Variants in CDKAL1 observed in about 807,000 individuals in gnomAD.
CDKAL1 encodes the protein threonylcarbamoyladenosine tRNA methylthiotransferase.
CDKAL1 carries 32 observed loss-of-function variants against 68.2 expected under a neutral mutation model. The ratio of observed to expected loss-of-function variants is 0.47; its 90% CI spans 0.35 to 0.63. The LOEUF (loss-of-function observed/expected upper bound fraction) is 0.63. CDKAL1 is among the 30% of genes least tolerant of loss of function. The probability of loss-of-function intolerance (pLI) is 0.00; values close to 1 mark genes in which losing one functional copy is unlikely to be tolerated. For synonymous variants in CDKAL1, 234 were observed against 244.3 expected, an observed-to-expected ratio of 0.96 and a Z score of 0.39; for missense variants, 606 against 696.7, an observed-to-expected ratio of 0.87 and a Z score of 1.47.
intron 15 of CDKAL1, among the ~76,000 whole-genome samples, chr6:21,219,409 T>C (rs559451955): frequency 1.3e-5 from 2 of 152,334 alleles, no homozygotes; most frequent in East Asian, 3.9e-4. Flanking sequence ...TTGTGGAATT[T>C]TTCCCCCCTG....
intron 6 of CDKAL1, chr6:20,756,891 CCTT>C (rs1774220025): frequency 1.0e-5 from 1 of 96,540 alleles, no homozygotes; most frequent in African/African-American, 3.7e-5. Context: ...TTCCTTCCTT[CCTT>C]CCTTCCTTCC....
intron 13 of CDKAL1, among the ~76,000 whole-genome samples, chr6:21,192,745 T>TAAACA (rs1778307384): frequency 6.6e-6 from 1 of 150,932 alleles, no homozygotes; most frequent in Non-Finnish European, 1.5e-5. Context: ...TATATGCCTA[T>TAAACA]AAACAAATCA....
chr6:20,943,328 C>CAAAAAAAAAAAAAAAAAA (rs34759060), intron 9 of CDKAL1, among the ~76,000 whole-genome samples: 6 of 51,002 alleles, frequency 1.2e-4, no homozygotes, highest in Non-Finnish European at 2.2e-4. Context: ...CTTGTTTTTT[C>CAAAAAAAAAAAAAAAAAA]AAAAAAAAAA....
chr6:20,794,229 G>A (rs1776019642), intron 8 of CDKAL1, among the ~76,000 whole-genome samples: 2 of 151,850 alleles, frequency 1.3e-5, no homozygotes, highest in Non-Finnish European at 2.9e-5. Flanking sequence ...TTTATTAAAA[G>A]CCTCTTTTTT....
intron 13 of CDKAL1, among the ~76,000 whole-genome samples, chr6:21,183,008 C>G (rs966889732): frequency 5.9e-5 from 9 of 152,164 alleles, no homozygotes; most frequent in African/African-American, 2.2e-4. Context: ...GCCTTGCAAT[C>G]TAAAATTCAT....
Position 20,650,315 on chromosome 6 carries a change from A to G in CDKAL1, c.371+938A>G, listed in dbSNP as rs529711538. Reference sequence around the variant, plus strand: ...TGGCTTGCATTTCTCTAATGATCAGAGATGTTGAACTTTTTTTCATATGTT... The same window carrying G: ...TGGCTTGCATTTCTCTAATGATCAGGGATGTTGAACTTTTTTTCATATGTT... On this transcript the variant is annotated intron_variant, in intron 5 of 15. Transcript: ENST00000274695. Among the ~76,000 whole-genome samples the G allele has an allele frequency of 5.3e-5, 8 of 152,258 alleles. No homozygotes were observed. In the East Asian group the frequency reaches 1.2e-3, roughly 22 times the overall value.
intron 5 of CDKAL1, among the ~76,000 whole-genome samples, chr6:20,687,077 TTG>T (rs762061688): frequency 5.3e-5 from 8 of 152,226 alleles, no homozygotes; most frequent in Non-Finnish European, 7.3e-5. Flanking sequence ...TTTTTATACA[TTG>T]TTATATTTGA....
At chr6:20,589,344 A>ATTTGACATTACACACACATGTTCTGCACG (rs1765499273) in intron 4 of CDKAL1, among the ~76,000 whole-genome samples, 3 of 152,192 alleles carry the variant, frequency 2.0e-5, no homozygotes, top group African/African-American at 4.8e-5. Context: ...TTTATTTTGT[A>ATTTGACATTACACACACATGTTCTGCACG]TTTGACATTA....
intron 12 of CDKAL1, among the ~76,000 whole-genome samples, chr6:21,087,667 G>C (rs950703404): frequency 2.0e-5 from 3 of 152,080 alleles, no homozygotes; most frequent in Non-Finnish European, 4.4e-5. Context: ...AAAGGCTCCT[G>C]GGAGAGCATT....
At chr6:21,205,820 C>T (rs560101542) in intron 15 of CDKAL1, among the ~76,000 whole-genome samples, 29 of 142,676 alleles carry the variant, frequency 2.0e-4, no homozygotes, top group Middle Eastern at 3.8e-3. Flanking sequence ...CGTGAGCCCC[C>T]GCGCCCAGCC....
chr6:20,875,881 T>C (rs1295767545), intron 9 of CDKAL1, among the ~76,000 whole-genome samples: 1 of 152,168 alleles, frequency 6.6e-6, no homozygotes, highest in East Asian at 1.9e-4. Flanking sequence ...TAATAAGAAA[T>C]TGAAAAAAAG....
chr6:21,231,206 T>C lies in CDKAL1; in HGVS notation c.*167T>C. On this transcript the variant is annotated 3_prime_UTR_variant, in exon 16 of 16. Transcript: ENST00000274695. ...GAGGCTCCCCCTGTCTCACATTGAG[T>C]TGGGCCCATTGGTTATTTGACCTAA... 2 of 474,096 alleles carry C rather than the reference T, an allele frequency of 4.2e-6. No individual in the cohort carries two copies. Among genetic ancestry groups the C allele is most frequent in the Non-Finnish European group, 7.4e-6 (2 of 271,242 alleles). 29.4% of individuals were successfully genotyped at this position (474,096 alleles called of 1,614,324 possible). A position where few individuals can be genotyped will look rare whatever the true frequency, so the allele number is the denominator to read the frequency against.
At chr6:20,929,659 A>T (rs1763339026) in intron 9 of CDKAL1, among the ~76,000 whole-genome samples, 1 of 152,186 alleles carries the variant, frequency 6.6e-6, no homozygotes, top group Admixed American at 6.5e-5. Context: ...GTGTATTATT[A>T]TCAGGATGGA....
chr6:20,560,539 T>C (rs572188097), intron 4 of CDKAL1, among the ~76,000 whole-genome samples: 1 of 152,346 alleles, frequency 6.6e-6, no homozygotes, highest in South Asian at 2.1e-4. Flanking sequence ...TTACCTTTAA[T>C]ACTACATTGC....
chr6:21,215,498 C>T (rs1386635714), intron 15 of CDKAL1, among the ~76,000 whole-genome samples: 3 of 152,190 alleles, frequency 2.0e-5, no homozygotes, highest in African/African-American at 7.2e-5. Context: ...GCGCAACTTT[C>T]CTCCTCCTTT....
intron 9 of CDKAL1, among the ~76,000 whole-genome samples, chr6:20,930,159 CAAACT>C (rs1440793673): frequency 2.0e-5 from 3 of 151,986 alleles, no homozygotes; most frequent in Non-Finnish European, 4.4e-5. Flanking sequence ...AGACTCAAAC[CAAACT>C]AATGAAAGCT....
In CDKAL1 at chr6:20,640,858, T is replaced by C. The variant is rs938304957; in HGVS notation, c.287-8435T>C. Among the ~76,000 whole-genome samples, 5 of 152,182 alleles carry C rather than the reference T, an allele frequency of 3.3e-5. No individual in the cohort carries two copies. In the South Asian group the frequency reaches 1.0e-3, roughly 32 times the overall value. On this transcript the variant is annotated intron_variant, in intron 4 of 15. Transcript: ENST00000274695. The stretch of plus-strand genomic sequence containing the variant: ...GACCTTAGGTTCCTCCTCTATAAAA[T>C]TGGAATAAAAATGAAGGTCAACGTG...
In CDKAL1 at chr6:20,965,198, G is replaced by A. The variant is rs144110102; in HGVS notation, c.909+9613G>A. The stretch of plus-strand genomic sequence containing the variant: ...ATGGTGGCACACATCTGTAGTCCCA[G>A]CTACTCAGGAGGCTGAGGCCAGATT... On this transcript the variant is annotated intron_variant, in intron 10 of 15. Coordinates refer to ENST00000274695, the MANE Select transcript of CDKAL1 (RefSeq NM_017774.3). 2.2e-3 allele frequency among the ~76,000 whole-genome samples: 336 copies of A among 152,166 alleles called. 1 individual carries two copies. The highest frequency in any genetic ancestry group is 7.7e-3 in the African/African-American group (319 of 41,512).
intron 11 of CDKAL1, among the ~76,000 whole-genome samples, chr6:21,013,485 A>G (rs997200013): frequency 2.0e-5 from 3 of 152,172 alleles, no homozygotes; most frequent in African/African-American, 4.8e-5. Context: ...GGTATCTGTC[A>G]CCTCAAGTAA....
Sources: gnomAD v4.1 joint callset for allele counts (sites outside exome capture counted in the v4.1 genomes callset) on GRCh38, gnomAD v4.1.1 for gene constraint, MANE v1.5 for transcripts, NCBI Gene and HGNC (gene_info 2026-07-23, HGNC 2026-07-21) for gene names.